Variants in BMP10 observed in about 807,000 individuals in gnomAD.
BMP10 encodes bone morphogenetic protein 10.
BMP10 carries 9 observed loss-of-function variants against 29.9 expected under a neutral mutation model. The observed-to-expected ratio is 0.30, with a 90% CI of 0.18 to 0.53. The LOEUF (loss-of-function observed/expected upper bound fraction) is 0.53. Among genes scored for constraint, BMP10 ranks in the 20% least tolerant of loss-of-function variants. BMP10 has a pLI of 0.96. For missense variants in BMP10, 474 were observed against 524.3 expected (o/e 0.90, Z 0.94); for synonymous variants, 202 against 200.2 (o/e 1.01, Z -0.07).
chr2:68,866,043 TCCAGGC>T lies in BMP10; in HGVS notation c.857_862del (p.Gly286_Leu287del). The T allele has an allele frequency of 6.2e-7, 1 of 1,614,104 alleles. No individual in the cohort carries two copies. The highest frequency in any genetic ancestry group is 8.5e-7 in the Non-Finnish European group (1 of 1,179,976). ...TTCCCCAGGTCCACTGGAAAAGCTA[TCCAGGC>T]CCAAGTTGTCCAGCTCTGGAAGTTG... On this transcript the variant is annotated inframe_deletion, in exon 2 of 2. Transcript: ENST00000295379.
At chr2:68,870,823 T>C (rs1683052608) in intron 1 of BMP10, among the ~76,000 whole-genome samples, 1 of 152,224 alleles carries the variant, frequency 6.6e-6, no homozygotes, top group African/African-American at 2.4e-5. Flanking sequence ...GATTAAAAGA[T>C]GTTTGTAAGT....
chr2:68,871,141 G>A lies in BMP10; in HGVS notation c.218C>T (p.Thr73Met), dbSNP rs373924581. ...TGGGTCCACCTTGGCTGAATCCTGCGTGGGGATGTCAGAGAGGTTTAGTGT... is the reference window on the plus strand; with the variant it reads ...TGGGTCCACCTTGGCTGAATCCTGCATGGGGATGTCAGAGAGGTTTAGTGT... The part of the protein sequence containing the change: ...LKTLNLSDIP[T>M]QDSAKVDPPE... Residue 73 changes from threonine (T) to methionine (M), a missense_variant, in exon 1 of 2, where the codon ACG (threonine) becomes ATG (methionine). Physicochemically the swap from Thr to Met is moderately conservative, Grantham distance 81. Around this residue, in one of 2 missense-constraint regions of BMP10, gnomAD observed 408 missense variants for 415.3 expected, o/e 0.98. Coordinates refer to ENST00000295379, the MANE Select transcript of BMP10 (RefSeq NM_014482.3). 6 of 1,614,068 alleles carry A rather than the reference G, an allele frequency of 3.7e-6. No individual in the cohort carries two copies. The highest frequency in any genetic ancestry group is 1.7e-5 in the Admixed American group (1 of 60,004).
chr2:68,868,669 TA>T (rs1182483333), intron 1 of BMP10, among the ~76,000 whole-genome samples: 5 of 152,152 alleles, frequency 3.3e-5, no homozygotes, highest in African/African-American at 1.2e-4. Context: ...TCTTCCACTC[TA>T]AGAAGGGAAG....
At position 68,866,168 on chromosome 2, in the gene BMP10, C is replaced by G; in HGVS notation, c.738G>C (p.Gln246His). The change falls in exon 2 of 2, where the codon CAG becomes CAC. Residue 246 changes from glutamine (Q) to histidine (H), a missense_variant. Around this residue, in one of 2 missense-constraint regions of BMP10, gnomAD observed 408 missense variants for 415.3 expected, o/e 0.98. Transcript: ENST00000295379. ...CGATGAGCAAAGGGTTATGCTTATT[C>G]TGGGCACTGGTATCTATTTCTAGCC... ...SGRLEIDTSA[Q>H]NKHNPLLIVF... The G allele has an allele frequency of 6.2e-7, 1 of 1,614,058 alleles. No individual in the cohort carries two copies. Among genetic ancestry groups the G allele is most frequent in the African/African-American group, 1.3e-5 (1 of 75,006 alleles).
In BMP10 at chr2:68,864,314, ATACT is replaced by A. The variant is rs762167608; in HGVS notation, c.*1313_*1316del. 1.3e-5 allele frequency among the ~76,000 whole-genome samples: 2 copies of A among 152,118 alleles called. No individual in the cohort carries two copies. The highest frequency in any genetic ancestry group is 1.9e-4 in the East Asian group (1 of 5,202). Reference sequence around the variant, plus strand: ...TTTGGACTCTGGTTTTCTTTTTCTTATACTTACTTATTCTGGTTTTCTTTTCTCT... The same window carrying A: ...TTTGGACTCTGGTTTTCTTTTTCTTATACTTATTCTGGTTTTCTTTTCTCT... On this transcript the variant is annotated 3_prime_UTR_variant, in exon 2 of 2. Coordinates refer to ENST00000295379, the MANE Select transcript of BMP10 (RefSeq NM_014482.3).
In BMP10 at chr2:68,861,200, C is replaced by T. The variant is rs2103799019; in HGVS notation, c.*4431G>A. Among the ~76,000 whole-genome samples the T allele has an allele frequency of 6.6e-6, 1 of 152,238 alleles. No individual in the cohort carries two copies. Among genetic ancestry groups the T allele is most frequent in the African/African-American group, 2.4e-5 (1 of 41,524 alleles). On this transcript the variant is annotated 3_prime_UTR_variant, in exon 2 of 2. Transcript: ENST00000295379. ...CATGGATAATGAACAGGTTTTACCC[C>T]AGAACATGACCGTGCATCAGCTGAT...
In BMP10 at chr2:68,863,966, G is replaced by A. The variant is rs1682907333; in HGVS notation, c.*1665C>T. ...CCATGTTCCCTGCCTGGAGATGCTG[G>A]AACAGTTTGGAAACTGCTCTGCTCT... On this transcript the variant is annotated 3_prime_UTR_variant, in exon 2 of 2. Coordinates refer to ENST00000295379, the MANE Select transcript of BMP10 (RefSeq NM_014482.3). 6.6e-6 allele frequency among the ~76,000 whole-genome samples: 1 copy of A among 152,152 alleles called. No homozygotes were observed. The highest frequency in any genetic ancestry group is 2.1e-4 in the South Asian group (1 of 4,826).
In BMP10 at chr2:68,862,967, A is replaced by G. The variant is rs540859270; in HGVS notation, c.*2664T>C. On this transcript the variant is annotated 3_prime_UTR_variant, in exon 2 of 2. Transcript: ENST00000295379. ...GATCGCCAACAGCCTATATTTTCAT[A>G]TCTCTTTAACAGAAGAGTGACTATA... Among the ~76,000 whole-genome samples, 2 of 152,354 alleles carry G rather than the reference A, an allele frequency of 1.3e-5. No homozygotes were observed. Among genetic ancestry groups the G allele is most frequent in the Admixed American group, 1.3e-4 (2 of 15,304 alleles).
rs1304746831 is a variant in BMP10, at chr2:68,861,366, C to T, written c.*4265G>A. On this transcript the variant is annotated 3_prime_UTR_variant, in exon 2 of 2. Coordinates refer to ENST00000295379, the MANE Select transcript of BMP10 (RefSeq NM_014482.3). ...ATGTGTGATAAAAACATGCTGATCA[C>T]AACAAACAGTTATTCCATGATGGGT... Among the ~76,000 whole-genome samples the T allele has an allele frequency of 6.6e-6, 1 of 152,228 alleles. No homozygotes were observed. Among genetic ancestry groups the T allele is most frequent in the African/African-American group, 2.4e-5 (1 of 41,442 alleles).
rs1682943759 is a variant in BMP10, at chr2:68,865,990, T to C, written c.916A>G (p.Ile306Val). The change falls in exon 2 of 2, where the codon ATC (isoleucine) becomes GTC (valine). Residue 306 changes from isoleucine to valine, a missense_variant. Ile to Val is a conservative substitution (Grantham distance 29, BLOSUM62 3). Coordinates refer to ENST00000295379, the MANE Select transcript of BMP10 (RefSeq NM_014482.3). The surrounding 1 kb of genome is among the most constrained non-coding windows in gnomAD (Gnocchi z 4.7). Reference protein sequence around the residue: ...EEALLQMRSNIIYDSTARIRR... With the variant: ...EEALLQMRSNVIYDSTARIRR... Reference sequence around the variant, plus strand: ...ATTCGGGCAGTGGAGTCATAGATGATGTTTGATCTCATCTGCAACAAAGCC... The same window carrying C: ...ATTCGGGCAGTGGAGTCATAGATGACGTTTGATCTCATCTGCAACAAAGCC... The C allele has an allele frequency of 2.5e-6, 4 of 1,614,038 alleles. No homozygotes were observed. Among genetic ancestry groups the C allele is most frequent in the African/African-American group, 1.3e-5 (1 of 75,018 alleles).
chr2:68,871,374 C>T lies in BMP10; in HGVS notation c.-16G>A. The T allele has an allele frequency of 6.2e-7, 1 of 1,608,372 alleles. No homozygotes were observed. On this transcript the variant is annotated 5_prime_UTR_variant, in exon 1 of 2. Transcript: ENST00000295379. The stretch of plus-strand genomic sequence containing the variant: ...GAGAGCCCATGACTCCGCTCGAGCT[C>T]CTAGGCCAAGCCAGGAAGGTTTAGC...
intron 1 of BMP10, among the ~76,000 whole-genome samples, chr2:68,869,402 G>A (rs958546656): frequency 4.6e-5 from 7 of 152,162 alleles, no homozygotes; most frequent in East Asian, 3.9e-4. Context: ...CTGTCCTCAG[G>A]CTGCACATTT....
At position 68,871,218 on chromosome 2, in the gene BMP10, G is replaced by C. The variant is rs2231339; in HGVS notation, c.141C>G (p.Asp47Glu). 7.4e-6 allele frequency: 12 copies of C among 1,614,022 alleles called. No individual in the cohort carries two copies. Among genetic ancestry groups the C allele is most frequent in the African/African-American group, 4.0e-5 (3 of 74,920 alleles). ...GGAGCAGTGTGTTAAAGTCGACACC[G>C]TCTTGCTCTGAGAAAACATCACCAA... ...SLFGDVFSEQ[D>E]GVDFNTLLQS... Residue 47 changes from aspartate to glutamate, a missense_variant, in exon 1 of 2, where the codon GAC (aspartate) becomes GAG (glutamate). Transcript: ENST00000295379.
chr2:68,868,378 C>T (rs1273553718), intron 1 of BMP10, among the ~76,000 whole-genome samples: 1 of 152,150 alleles, frequency 6.6e-6, no homozygotes, highest in Non-Finnish European at 1.5e-5. Context: ...CCTCTGAAAT[C>T]ATTTGATCAC....
chr2:68,867,938 A>G (rs1310636163), intron 1 of BMP10, among the ~76,000 whole-genome samples: 1 of 152,184 alleles, frequency 6.6e-6, no homozygotes, highest in Non-Finnish European at 1.5e-5. Context: ...TACTAAGAAA[A>G]ATATACAATA....
Position 68,865,467 on chromosome 2 carries a change from C to T in BMP10, c.*164G>A. The T allele has an allele frequency of 1.4e-6, 1 of 711,566 alleles. No individual in the cohort carries two copies. Among genetic ancestry groups the T allele is most frequent in the Non-Finnish European group, 2.2e-6 (1 of 446,328 alleles). 44.1% of individuals were successfully genotyped at this position (711,566 alleles called of 1,614,324 possible). ...CAAAGAGAAAACAGATTGAAAGGGACTTAACTGGAGAGGAAAATATGCATT... is the reference window on the plus strand; with the variant it reads ...CAAAGAGAAAACAGATTGAAAGGGATTTAACTGGAGAGGAAAATATGCATT... On this transcript the variant is annotated 3_prime_UTR_variant, in exon 2 of 2. Transcript: ENST00000295379. This position sits in a 1 kb window ranked among gnomAD's most constrained non-coding sequence, Gnocchi z 4.7.
chr2:68,861,802 A>G lies in BMP10; in HGVS notation c.*3829T>C, dbSNP rs1360261045. Among the ~76,000 whole-genome samples the G allele has an allele frequency of 6.6e-6, 1 of 152,256 alleles. No individual in the cohort carries two copies. The highest frequency in any genetic ancestry group is 1.5e-5 in the Non-Finnish European group (1 of 68,042). On this transcript the variant is annotated 3_prime_UTR_variant, in exon 2 of 2. Coordinates refer to ENST00000295379, the MANE Select transcript of BMP10 (RefSeq NM_014482.3). ...GAAACATTTAGTAACAGTTCTTAAA[A>G]AAAAAAGGTTTTTGTCATTAATTCC...
At position 68,861,811 on chromosome 2, in the gene BMP10, T is replaced by C. The variant is rs1040232533; in HGVS notation, c.*3820A>G. 2.0e-5 allele frequency among the ~76,000 whole-genome samples: 3 copies of C among 151,754 alleles called. No homozygotes were observed. The highest frequency in any genetic ancestry group is 7.3e-5 in the African/African-American group (3 of 41,286). ...AGTAACAGTTCTTAAAAAAAAAAGG[T>C]TTTTGTCATTAATTCCCCGGACCAA... On this transcript the variant is annotated 3_prime_UTR_variant, in exon 2 of 2. Coordinates refer to ENST00000295379, the MANE Select transcript of BMP10 (RefSeq NM_014482.3).
At position 68,860,912 on chromosome 2, in the gene BMP10, TTTCTTCAGACCA is replaced by T. The variant is rs1306173703; in HGVS notation, c.*4707_*4718del. ...GTTACAAGCCAAAAACAACTTATGG[TTTCTTCAGACCA>T]TTCTTTATTAATATAGCAATTAGTT... is the stretch of plus-strand genomic sequence containing the variant. On this transcript the variant is annotated 3_prime_UTR_variant, in exon 2 of 2. Transcript: ENST00000295379. Among the ~76,000 whole-genome samples the T allele has an allele frequency of 3.7e-4, 57 of 152,330 alleles. No individual in the cohort carries two copies. The highest frequency in any genetic ancestry group is 1.3e-3 in the African/African-American group (55 of 41,576).
Sources: allele counts gnomAD v4.1 joint callset (sites outside exome capture counted in the v4.1 genomes callset), GRCh38; gene constraint gnomAD v4.1.1; regional missense constraint gnomAD v4.1.1; non-coding constraint Gnocchi (gnomAD v3.1); transcripts MANE v1.5; gene names NCBI Gene and HGNC (gene_info 2026-07-23, HGNC 2026-07-21).